ERC2: variants seen among roughly 807,000 people sequenced by gnomAD.
The protein encoded by ERC2 is ERC protein 2.
Under a neutral mutation model 114.8 loss-of-function variants are expected in ERC2, and 42 were observed. The ratio of observed to expected loss-of-function variants is 0.37; its 90% CI spans 0.29 to 0.47. The LOEUF (loss-of-function observed/expected upper bound fraction) is 0.47. Among genes scored for constraint, ERC2 ranks in the 20% least tolerant of loss-of-function variants. The probability of loss-of-function intolerance (pLI) is 0.99; values close to 1 mark genes in which losing one functional copy is unlikely to be tolerated. For synonymous variants in ERC2, 454 were observed against 425.5 expected, an observed-to-expected ratio of 1.07 and a Z score of -0.82; for missense variants, 939 against 1,150.7, an observed-to-expected ratio of 0.82 and a Z score of 2.66.
Position 56,134,687 on chromosome 3 carries a change from A to G in ERC2, c.1473+4822T>C, listed in dbSNP as rs79437040. ...ATGTTGCCCTTGCCTGCATAAACAC[A>G]AAACCCCTGCATTCTTTGTTAATGA... On this transcript the variant is annotated intron_variant, in intron 6 of 17. Transcript: ENST00000288221. 3.6e-3 allele frequency among the ~76,000 whole-genome samples: 546 copies of G among 152,216 alleles called. 5 individuals are homozygous for G. The highest frequency in any genetic ancestry group is 0.012 in the African/African-American group (508 of 41,528).
chr3:55,649,954 C>T (rs929816813), intron 17 of ERC2, among the ~76,000 whole-genome samples: 2 of 152,180 alleles, frequency 1.3e-5, no homozygotes, highest in African/African-American at 4.8e-5. Context: ...GGCAGAGGGG[C>T]CGGCAGGGAG....
At chr3:55,548,847 G>C (rs762985581) in intron 17 of ERC2, among the ~76,000 whole-genome samples, 4 of 152,182 alleles carry the variant, frequency 2.6e-5, no homozygotes, top group Non-Finnish European at 4.4e-5. Context: ...GTCAACTAAA[G>C]AGACAGCCAC....
chr3:56,347,815 T>C (rs2058366988), intron 2 of ERC2, among the ~76,000 whole-genome samples: 1 of 152,172 alleles, frequency 6.6e-6, no homozygotes, highest in African/African-American at 2.4e-5. Flanking sequence ...GGCAAATGCC[T>C]CCTGCAGTTG....
intron 12 of ERC2, among the ~76,000 whole-genome samples, chr3:55,980,224 T>C (rs2069999108): frequency 1.3e-5 from 2 of 152,090 alleles, no homozygotes; most frequent in East Asian, 1.9e-4. Context: ...AATATTACTC[T>C]GAATCTAGAG....
At chr3:55,875,047 C>T (rs1305014997) in intron 14 of ERC2, among the ~76,000 whole-genome samples, 1 of 152,132 alleles carries the variant, frequency 6.6e-6, no homozygotes, top group African/African-American at 2.4e-5. Flanking sequence ...CAAGGGATCC[C>T]CAGTGATGCT....
chr3:56,219,179 G>A (rs959600689), intron 3 of ERC2, among the ~76,000 whole-genome samples: 3 of 152,062 alleles, frequency 2.0e-5, no homozygotes, highest in African/African-American at 7.2e-5. Context: ...ATTGGGTACC[G>A]TGTACACTGC....
chr3:55,918,137 G>C (rs1044026426), intron 13 of ERC2, among the ~76,000 whole-genome samples: 1 of 151,816 alleles, frequency 6.6e-6, no homozygotes, highest in Non-Finnish European at 1.5e-5. Context: ...TTATATTCCA[G>C]GTCTGAAAAT....
intron 13 of ERC2, among the ~76,000 whole-genome samples, chr3:55,889,226 C>T (rs142712194): frequency 1.0e-3 from 153 of 152,256 alleles, no homozygotes; most frequent in African/African-American, 3.5e-3. Context: ...GATTCAGTCA[C>T]GTTTTAACCT....
At chr3:56,097,935 CCAAA>C (rs755009448) in intron 6 of ERC2, among the ~76,000 whole-genome samples, 1 of 152,112 alleles carries the variant, frequency 6.6e-6, no homozygotes, top group Non-Finnish European at 1.5e-5. Flanking sequence ...ATTTAGCCTT[CCAAA>C]CAGAATATCT....
At chr3:56,031,071 A>T (rs1291743798) in intron 7 of ERC2, among the ~76,000 whole-genome samples, 2 of 152,074 alleles carry the variant, frequency 1.3e-5, no homozygotes, top group Non-Finnish European at 2.9e-5. Context: ...AACACTTTCC[A>T]GTGAGGATCA....
intron 14 of ERC2, among the ~76,000 whole-genome samples, chr3:55,826,928 C>T (rs896322791): frequency 6.6e-6 from 1 of 152,224 alleles, no homozygotes; most frequent in African/African-American, 2.4e-5. Flanking sequence ...GTGGTTATCA[C>T]TGAAGAGCCG....
intron 12 of ERC2, among the ~76,000 whole-genome samples, chr3:55,982,630 T>C (rs750526044): frequency 3.3e-5 from 5 of 152,156 alleles, no homozygotes; most frequent in Non-Finnish European, 7.3e-5. Flanking sequence ...TCTTAAATGG[T>C]TTGGTCAGTT....
chr3:56,433,193 AGAGAGAG>A (rs780818163), intron 2 of ERC2, among the ~76,000 whole-genome samples: 2 of 7,842 alleles, frequency 2.6e-4, no homozygotes, highest in East Asian at 2.3e-3. Context: ...AAAAAAAAAA[AGAGAGAG>A]AGAGAGAGAG....
chr3:55,896,587 G>A (rs974407781), intron 13 of ERC2, among the ~76,000 whole-genome samples: 1 of 152,208 alleles, frequency 6.6e-6, no homozygotes, highest in Non-Finnish European at 1.5e-5. Flanking sequence ...TAGAAAAGGT[G>A]TTTAATTGCT....
At chr3:56,038,677 T>C (rs1465977198) in intron 7 of ERC2, among the ~76,000 whole-genome samples, 1 of 152,166 alleles carries the variant, frequency 6.6e-6, no homozygotes, top group Non-Finnish European at 1.5e-5. Context: ...AGACATGGAA[T>C]CAACCCAAAT....
chr3:55,607,612 G>GTT lies in ERC2; in HGVS notation c.*39+76181_*39+76182insAA, dbSNP rs1363301472. 2.9e-3 allele frequency among the ~76,000 whole-genome samples: 123 copies of GTT among 42,130 alleles called. No homozygotes were observed. In the East Asian group the frequency reaches 0.074, roughly 25 times the overall value. 27.6% of individuals were successfully genotyped at this position (42,130 alleles called of 152,430 possible). On this transcript the variant is annotated intron_variant, in intron 17 of 17. Coordinates refer to ENST00000288221, the MANE Select transcript of ERC2 (RefSeq NM_015576.3). ...GAAACTAAAGAACTTAGAAAATAGTGTGTTTTTTTTTTTTTTTTCTATAAG... is the reference window on the plus strand; with the variant it reads ...GAAACTAAAGAACTTAGAAAATAGTGTTTGTTTTTTTTTTTTTTTTCTATAAG...
At chr3:56,243,973 G>A (rs932734506) in intron 3 of ERC2, among the ~76,000 whole-genome samples, 2 of 152,166 alleles carry the variant, frequency 1.3e-5, no homozygotes, top group African/African-American at 4.8e-5. Context: ...GGTAGGCAGG[G>A]ATCCAACTGT....
At chr3:56,307,112 A>G (rs1289051856) in intron 2 of ERC2, among the ~76,000 whole-genome samples, 4 of 152,206 alleles carry the variant, frequency 2.6e-5, no homozygotes, top group Admixed American at 2.6e-4. Flanking sequence ...CCAGACAGGA[A>G]GGTGGCCTAC....
At chr3:55,871,567 G>A (rs2062584871) in intron 14 of ERC2, among the ~76,000 whole-genome samples, 1 of 152,180 alleles carries the variant, frequency 6.6e-6, no homozygotes, top group South Asian at 2.1e-4. Context: ...TCAAAATCCG[G>A]AAGAGGCACC....
Sources: allele counts gnomAD v4.1 joint callset (sites outside exome capture counted in the v4.1 genomes callset), GRCh38; gene constraint gnomAD v4.1.1; transcripts MANE v1.5; gene names NCBI Gene and HGNC (gene_info 2026-07-23, HGNC 2026-07-21).